PCDHA10: variants seen among roughly 807,000 people sequenced by gnomAD.
PCDHA10 encodes the protein protocadherin alpha 10, also known as protocadherin alpha-10.
Under a neutral mutation model 61.2 loss-of-function variants are expected in PCDHA10, and 45 were observed. The ratio of observed to expected loss-of-function variants is 0.74; its 90% CI spans 0.58 to 0.94. PCDHA10 has a LOEUF of 0.94. Among genes scored for constraint, PCDHA10 ranks in the 40% least tolerant of loss-of-function variants. The pLI is 0.00. For synonymous variants in PCDHA10, 602 were observed against 548.8 expected (o/e 1.10, Z -1.35); for missense variants, 1,278 against 1,236.2 (o/e 1.03, Z -0.51).
At chr5:140,895,666 T>A (rs538311323) in intron 1 of PCDHA10, among the ~76,000 whole-genome samples, 24 of 152,288 alleles carry the variant, frequency 1.6e-4, no homozygotes, top group African/African-American at 5.8e-4. Context: ...AGTGAGAACA[T>A]GTAGTATTTG....
rs112338455 is a variant in PCDHA10 at position 140,903,390 on chromosome 5, A to G, written c.2388+44954A>G. ...TATAGGGAGGATTGTGGTTACTTCT[A>G]GAAACAGTAGTGCAGTCAGGAAAAA... On this transcript the variant is annotated intron_variant, in intron 1 of 3. Coordinates refer to ENST00000307360, the MANE Select transcript of PCDHA10 (RefSeq NM_018901.4). Among the ~76,000 whole-genome samples the G allele has an allele frequency of 4.3e-3, 662 of 152,354 alleles. 6 individuals are homozygous for G. Among genetic ancestry groups the G allele is most frequent in the African/African-American group, 0.015 (618 of 41,596 alleles).
intron 1 of PCDHA10, among the ~76,000 whole-genome samples, chr5:140,890,187 CAG>C (rs2062529084): frequency 1.3e-5 from 2 of 152,228 alleles, no homozygotes; most frequent in South Asian, 4.1e-4. Context: ...TGCTACAAAA[CAG>C]AGTTTTTTGT....
chr5:140,979,241 G>A (rs766062040), intron 2 of PCDHA10, among the ~76,000 whole-genome samples: 4 of 152,150 alleles, frequency 2.6e-5, no homozygotes, highest in Non-Finnish European at 5.9e-5. Context: ...CACAGAAACA[G>A]GCTGCTATGT....
At chr5:140,920,415 G>A (rs1229102806) in intron 1 of PCDHA10, among the ~76,000 whole-genome samples, 4 of 152,002 alleles carry the variant, frequency 2.6e-5, no homozygotes, top group Non-Finnish European at 5.9e-5. Flanking sequence ...ATCAGATACA[G>A]CTGTTCTCCC....
chr5:140,883,453 C>T (rs138388360), intron 1 of PCDHA10: 46 of 1,614,168 alleles, frequency 2.8e-5, no homozygotes, highest in Non-Finnish European at 3.9e-5. Context: ...ATGTCCCCTT[C>T]AAGCTGGTGT....
Position 141,010,329 on chromosome 5 carries a change from G to A in PCDHA10, c.*392G>A. The A allele has an allele frequency of 6.5e-7, 1 of 1,538,672 alleles. No individual in the cohort carries two copies. Among genetic ancestry groups the A allele is most frequent in the Non-Finnish European group, 8.8e-7 (1 of 1,142,532 alleles). On this transcript the variant is annotated 3_prime_UTR_variant, in exon 4 of 4. Transcript: ENST00000307360. ...AGTTTTGAGATTGAGCAGCTTGGGA[G>A]TTTGTGGCCACTGGGTATGTGTGGC...
chr5:140,899,052 C>CCAA (rs1554188364), intron 1 of PCDHA10, among the ~76,000 whole-genome samples: 7 of 151,400 alleles, frequency 4.6e-5, no homozygotes, highest in Non-Finnish European at 1.0e-4. Flanking sequence ...TATCCTGAGA[C>CCAA]TTTGCTGAAG....
intron 1 of PCDHA10, among the ~76,000 whole-genome samples, chr5:140,896,874 A>G (rs1009285499): frequency 1.3e-5 from 2 of 152,102 alleles, no homozygotes; most frequent in Non-Finnish European, 2.9e-5. Flanking sequence ...GTACATATTT[A>G]TGGGGTATAT....
At chr5:140,862,657 C>A (rs2047475881) in intron 1 of PCDHA10, 6 of 545,246 alleles carry the variant, frequency 1.1e-5, no homozygotes, top group Admixed American at 9.6e-5. Flanking sequence ...CGCGCGGGAC[C>A]GGGACGCGCA....
At chr5:140,908,226 T>A (rs1488573035) in intron 1 of PCDHA10, among the ~76,000 whole-genome samples, 1 of 152,140 alleles carries the variant, frequency 6.6e-6, no homozygotes, top group Non-Finnish European at 1.5e-5. Flanking sequence ...GAACCAGTCC[T>A]TAGTCTTCTC....
chr5:140,957,652 A>G (rs2095373583), intron 1 of PCDHA10, among the ~76,000 whole-genome samples: 1 of 152,132 alleles, frequency 6.6e-6, no homozygotes, highest in African/African-American at 2.4e-5. Flanking sequence ...TAAATATTCA[A>G]TCATGGAGTA....
At chr5:140,987,429 G>T (rs1402576200) in intron 3 of PCDHA10, among the ~76,000 whole-genome samples, 2 of 152,096 alleles carry the variant, frequency 1.3e-5, no homozygotes, top group Admixed American at 1.3e-4. Flanking sequence ...GAAGCAGGGG[G>T]CCTTTCCCCA....
At position 140,855,991 on chromosome 5, in the gene PCDHA10, A is replaced by C; in HGVS notation, c.-58A>C. On this transcript the variant is annotated 5_prime_UTR_variant, in exon 1 of 4. Coordinates refer to ENST00000307360, the MANE Select transcript of PCDHA10 (RefSeq NM_018901.4). ...TAAGAAATAGGACAGAAAATGTCAG[A>C]TCGTATGTGCGTTCTAGACCGCTGA... 2.0e-6 allele frequency: 3 copies of C among 1,492,426 alleles called. 1 individual carries two copies. In the South Asian group the frequency reaches 3.9e-5, roughly 20 times the overall value. 92.4% of individuals were successfully genotyped at this position (1,492,426 alleles called of 1,614,324 possible). A position where few individuals can be genotyped will look rare whatever the true frequency, so the allele number is the denominator to read the frequency against.
intron 1 of PCDHA10, chr5:140,928,995 C>T (rs1554206548): frequency 1.2e-6 from 2 of 1,613,798 alleles, no homozygotes; most frequent in Non-Finnish European, 1.7e-6. Flanking sequence ...GCTTACTTTT[C>T]TTCGTGTGTA....
chr5:141,003,560 G>T (rs1011065385), intron 3 of PCDHA10, among the ~76,000 whole-genome samples: 1 of 152,062 alleles, frequency 6.6e-6, no homozygotes, highest in Non-Finnish European at 1.5e-5. Context: ...TGATCCACCT[G>T]CCTCAGACTC....
intron 1 of PCDHA10, chr5:140,875,764 C>A (rs782377276): frequency 6.2e-7 from 1 of 1,614,196 alleles, no homozygotes; most frequent in Non-Finnish European, 8.5e-7. Flanking sequence ...GCTGTGCGGG[C>A]GGAGCGCGGA....
intron 1 of PCDHA10, among the ~76,000 whole-genome samples, chr5:140,908,126 C>T (rs573751399): frequency 1.6e-4 from 24 of 152,360 alleles, no homozygotes; most frequent in South Asian, 1.0e-3. Context: ...TTTCCCTTCA[C>T]TGCTGTCCTT....
At chr5:140,950,429 T>G (rs1339598073) in intron 1 of PCDHA10, among the ~76,000 whole-genome samples, 1 of 151,896 alleles carries the variant, frequency 6.6e-6, no homozygotes, top group Admixed American at 6.6e-5. Context: ...TTCTTCCACT[T>G]AAAAAAAATG....
In PCDHA10 at chr5:140,857,087, C is replaced by T. The variant is rs782316831; in HGVS notation, c.1039C>T (p.Pro347Ser). The change falls in exon 1 of 4, where the codon CCT becomes TCT. Residue 347 changes from proline to serine, a missense_variant. Physicochemically the swap from Pro to Ser is moderately conservative, Grantham distance 74 (BLOSUM62 -1). Transcript: ENST00000307360. Reference sequence around the variant, plus strand: ...ACTACTGGATGAAAATGATAATTCACCTGAGGTGATTGTCACTTCTCTGTC... The same window carrying T: ...ACTACTGGATGAAAATGATAATTCATCTGAGGTGATTGTCACTTCTCTGTC... ...VELLDENDNS[P>S]EVIVTSLSLP... 5.0e-6 allele frequency: 8 copies of T among 1,597,160 alleles called. No homozygotes were observed. Among genetic ancestry groups the T allele is most frequent in the East Asian group, 2.2e-5 (1 of 44,868 alleles).
Sources: gnomAD v4.1 joint callset for allele counts (sites outside exome capture counted in the v4.1 genomes callset) on GRCh38, gnomAD v4.1.1 for gene constraint, MANE v1.5 for transcripts, NCBI Gene and HGNC (gene_info 2026-07-23, HGNC 2026-07-21) for gene names.